HMG20A: variants seen among roughly 807,000 people sequenced by gnomAD.
The protein encoded by HMG20A is high mobility group 20A.
In HMG20A, 17 loss-of-function variants were observed where a neutral mutation model predicts 43.9. The ratio of observed to expected loss-of-function variants is 0.39; its 90% CI spans 0.27 to 0.58. The LOEUF (loss-of-function observed/expected upper bound fraction) is 0.58, where lower values mean the gene tolerates loss of function less well. HMG20A is among the 20% of genes least tolerant of loss of function. The pLI is 0.59. For synonymous variants in HMG20A, 132 were observed against 147.5 expected (o/e 0.89, Z 0.76); for missense variants, 341 against 438.2 (o/e 0.78, Z 1.98).
At chr15:77,440,590 A>G (rs1047379117) in intron 1 of HMG20A, among the ~76,000 whole-genome samples, 2 of 152,186 alleles carry the variant, frequency 1.3e-5, no homozygotes, top group Admixed American at 6.5e-5. Context: ...ACATGGGGCT[A>G]TGCTATTTGT....
intron 2 of HMG20A, among the ~76,000 whole-genome samples, chr15:77,459,318 T>A (rs984184809): frequency 2.0e-5 from 3 of 152,198 alleles, no homozygotes; most frequent in Non-Finnish European, 4.4e-5. Flanking sequence ...GTAAAAACTT[T>A]CTGAGTATCT....
chr15:77,492,567 A>T, the HMG20A span, among the ~76,000 whole-genome samples: 23 of 151,778 alleles, frequency 1.5e-4, no homozygotes, highest in South Asian at 6.2e-4. Context: ...ATGGTGGCTC[A>T]CACCTTTTGG....
chr15:77,466,321 C>T (rs947082771), intron 3 of HMG20A, among the ~76,000 whole-genome samples: 3 of 151,974 alleles, frequency 2.0e-5, no homozygotes, highest in Non-Finnish European at 2.9e-5. Context: ...GCGGAGGTTG[C>T]GGTGAGCCGA....
intron 1 of HMG20A, among the ~76,000 whole-genome samples, chr15:77,454,969 C>T (rs1567399254): frequency 6.6e-6 from 1 of 151,924 alleles, no homozygotes; most frequent in South Asian, 2.1e-4. Context: ...CAGAATCCCA[C>T]CTCTCAATTA....
the HMG20A span, among the ~76,000 whole-genome samples, chr15:77,497,655 T>TAGAGAGAGAGAGAGAGAGAGAG: frequency 1.9e-4 from 24 of 127,996 alleles, no homozygotes; most frequent in African/African-American, 6.9e-4. Context: ...GAGATATTAA[T>TAGAGAGAGAGAGAGAGAGAGAG]AGAGAGAGAG....
chr15:77,428,469 A>G (rs528868330), intron 1 of HMG20A, among the ~76,000 whole-genome samples: 6 of 152,372 alleles, frequency 3.9e-5, no homozygotes, highest in Admixed American at 1.3e-4. Context: ...TTCAAAGCAT[A>G]GCGTGTAAGA....
At chr15:77,497,353 A>G in the HMG20A span, among the ~76,000 whole-genome samples, 1 of 152,218 alleles carries the variant, frequency 6.6e-6, no homozygotes, top group Non-Finnish European at 1.5e-5. Flanking sequence ...CAGCTTGCCC[A>G]AGAGGAGGCC....
downstream of HMG20A, among the ~76,000 whole-genome samples, chr15:77,486,670 C>G (rs529499571): frequency 2.0e-5 from 3 of 152,292 alleles, no homozygotes; most frequent in South Asian, 2.1e-4. Context: ...GTTTCCAGAG[C>G]CTGCTGCTCT....
rs1268433413 is a variant in HMG20A, at chr15:77,477,578, G to A, written c.639G>A (p.Arg213=). 3 of 1,611,908 alleles carry A rather than the reference G, an allele frequency of 1.9e-6. No homozygotes were observed. The highest frequency in any genetic ancestry group is 1.1e-5 in the South Asian group (1 of 90,944). The change falls in exon 7 of 10, where the codon CGG becomes CGA. Residue 213 remains arginine (R), a synonymous_variant. Transcript: ENST00000336216. ...DHEKETEVKE[R]SVFDIPIFTE... is the part of the protein sequence containing the mutation. ...AGAAAGAAACAGAGGTAAAGGAACGGTCTGTTTTTGACATCCCTATATTTA... is the reference window on the plus strand; with the variant it reads ...AGAAAGAAACAGAGGTAAAGGAACGATCTGTTTTTGACATCCCTATATTTA...
the HMG20A span, among the ~76,000 whole-genome samples, chr15:77,500,348 T>A: frequency 6.6e-6 from 1 of 152,190 alleles, no homozygotes; most frequent in South Asian, 2.1e-4. Context: ...TTCGAAAGTA[T>A]TTAAGGTACC....
rs1056701462 is a variant in HMG20A at position 77,422,324 on chromosome 15, A to G, written c.-5+1320A>G. ...CAGACTCTGCGATTATTTTAATTCT[A>G]TAATAGTTTTTTTAAAAAGCTGTTT... is the stretch of plus-strand genomic sequence containing the variant. On this transcript the variant is annotated intron_variant, in intron 1 of 9. Transcript: ENST00000336216. Among the ~76,000 whole-genome samples, 11 of 152,314 alleles carry G rather than the reference A, an allele frequency of 7.2e-5. No homozygotes were observed. In the East Asian group the frequency reaches 7.7e-4, roughly 11 times the overall value.
chr15:77,422,717 G>A lies in HMG20A; in HGVS notation c.-5+1713G>A, dbSNP rs62007301. Among the ~76,000 whole-genome samples the A allele has an allele frequency of 4.0e-3, 608 of 152,194 alleles. 4 individuals are homozygous for A. The highest frequency in any genetic ancestry group is 6.2e-3 in the South Asian group (30 of 4,818). The stretch of plus-strand genomic sequence containing the variant: ...AAAAAAATACATGTTTTAATCTTCT[G>A]TGGTCACTTTTAAAAAAGAATCTAA... On this transcript the variant is annotated intron_variant, in intron 1 of 9. Transcript: ENST00000336216.
chr15:77,490,449 T>C (rs543757969), downstream of HMG20A, among the ~76,000 whole-genome samples: 3 of 152,268 alleles, frequency 2.0e-5, no homozygotes, highest in African/African-American at 7.2e-5. Flanking sequence ...AAAGGCAGAT[T>C]AATTCAGGAT....
At chr15:77,500,940 G>T in the HMG20A span, among the ~76,000 whole-genome samples, 1 of 152,070 alleles carries the variant, frequency 6.6e-6, no homozygotes, top group Non-Finnish European at 1.5e-5. Flanking sequence ...TTCTTACCTT[G>T]TCCTTCCTGC....
intron 1 of HMG20A, among the ~76,000 whole-genome samples, chr15:77,438,591 T>G (rs949485515): frequency 2.0e-5 from 3 of 152,188 alleles, no homozygotes; most frequent in Admixed American, 1.3e-4. Context: ...GCTTTCTCCA[T>G]CTTAGATGTA....
chr15:77,449,014 A>C (rs1189787827), intron 1 of HMG20A, among the ~76,000 whole-genome samples: 1 of 152,136 alleles, frequency 6.6e-6, no homozygotes, highest in Non-Finnish European at 1.5e-5. Flanking sequence ...AAGCCACTGC[A>C]CTTCAGCCTG....
intron 9 of HMG20A, 66 bp downstream of exon 9, chr15:77,479,387 T>C: frequency 6.8e-7 from 1 of 1,464,180 alleles, no homozygotes; most frequent in East Asian, 2.3e-5. Flanking sequence ...CATCAGACTT[T>C]ATCAATACTA....
In HMG20A at chr15:77,441,458, A is replaced by G. The variant is rs2073612257; in HGVS notation, c.-4-16946A>G. On this transcript the variant is annotated intron_variant, in intron 1 of 9. Transcript: ENST00000336216. ...CATATAATTAAATATACTGTTTCTC[A>G]GTATTCTATGTAGTCTGACAGCTAA... Among the ~76,000 whole-genome samples, 3 of 152,132 alleles carry G rather than the reference A, an allele frequency of 2.0e-5. No individual in the cohort carries two copies. In the South Asian group the frequency reaches 6.2e-4, roughly 31 times the overall value.
At chr15:77,470,122 G>A (rs2072793610) in intron 4 of HMG20A, among the ~76,000 whole-genome samples, 1 of 152,292 alleles carries the variant, frequency 6.6e-6, no homozygotes, top group South Asian at 2.1e-4. Context: ...GATTTGGCCA[G>A]TTGAGTATCC....
Sources: allele counts gnomAD v4.1 joint callset (sites outside exome capture counted in the v4.1 genomes callset), GRCh38; gene constraint gnomAD v4.1.1; transcripts MANE v1.5; gene names NCBI Gene and HGNC (gene_info 2026-07-23, HGNC 2026-07-21).